PTPRM: variants seen among roughly 807,000 people sequenced by gnomAD.
The protein encoded by PTPRM is receptor-type tyrosine-protein phosphatase mu.
A neutral mutation model predicts 186.7 loss-of-function variants in PTPRM; 47 were observed. That is an observed-to-expected ratio of 0.25 (90% CI 0.20 to 0.32). PTPRM has a LOEUF of 0.32. PTPRM is among the 10% of genes least tolerant of loss of function. The pLI is 1.00. For missense variants in PTPRM, 1,494 were observed against 1,865.0 expected (o/e 0.80, Z 3.66); for synonymous variants, 668 against 674.9 (o/e 0.99, Z 0.16).
intron 5 of PTPRM, among the ~76,000 whole-genome samples, chr18:7,940,694 C>A (rs181629723): frequency 1.1e-3 from 161 of 151,772 alleles, no homozygotes; most frequent in African/African-American, 3.5e-3. Flanking sequence ...TCTCGGTGGT[C>A]GTTCTTAGTA....
At chr18:7,704,119 T>C (rs1477451504) in intron 1 of PTPRM, among the ~76,000 whole-genome samples, 1 of 152,220 alleles carries the variant, frequency 6.6e-6, no homozygotes, top group African/African-American at 2.4e-5. Flanking sequence ...ATCAGGCATA[T>C]TGGCCTGATA....
At chr18:7,576,572 C>T (rs1244777793) in intron 1 of PTPRM, among the ~76,000 whole-genome samples, 1 of 152,098 alleles carries the variant, frequency 6.6e-6, no homozygotes, top group Non-Finnish European at 1.5e-5. Flanking sequence ...ACTTCCTGGG[C>T]TCAAGCAGTC....
intron 1 of PTPRM, among the ~76,000 whole-genome samples, chr18:7,727,802 G>A (rs2040579402): frequency 6.6e-6 from 1 of 152,206 alleles, no homozygotes; most frequent in Non-Finnish European, 1.5e-5. Flanking sequence ...TAATCCCAAA[G>A]AATTATGTTA....
chr18:7,662,128 G>T (rs749827278), intron 1 of PTPRM, among the ~76,000 whole-genome samples: 1 of 152,020 alleles, frequency 6.6e-6, no homozygotes, highest in East Asian at 1.9e-4. Flanking sequence ...TAGAGATGAG[G>T]TTTCTTCATG....
intron 5 of PTPRM, 113 bp from the exon 6 acceptor site, chr18:7,949,068 T>G: frequency 9.6e-7 from 1 of 1,040,402 alleles, no homozygotes; most frequent in South Asian, 2.1e-5. Context: ...AATAAGCAAC[T>G]GCACCAAGGT....
chr18:7,925,846 A>G (rs1416693387), intron 4 of PTPRM, among the ~76,000 whole-genome samples: 2 of 152,212 alleles, frequency 1.3e-5, no homozygotes, highest in African/African-American at 4.8e-5. Flanking sequence ...TGATGCAGAA[A>G]TTGGCCTGTG....
chr18:7,983,007 T>C (rs183037295), intron 7 of PTPRM, among the ~76,000 whole-genome samples: 1 of 152,272 alleles, frequency 6.6e-6, no homozygotes, highest in East Asian at 1.9e-4. Flanking sequence ...TGGCATTCTC[T>C]TCCCTATTTC....
intron 1 of PTPRM, among the ~76,000 whole-genome samples, chr18:7,762,279 C>T (rs548493011): frequency 9.0e-4 from 137 of 151,902 alleles, no homozygotes; most frequent in South Asian, 8.4e-3. Context: ...AGGTGTTGTC[C>T]GAGCTGGGAT....
intron 7 of PTPRM, among the ~76,000 whole-genome samples, chr18:8,063,403 C>T (rs534045550): frequency 8.5e-5 from 13 of 152,176 alleles, no homozygotes; most frequent in South Asian, 4.2e-4. Context: ...AGAAATCACC[C>T]GTCTTCTGCG....
At chr18:8,293,022 A>G (rs937041095) in intron 19 of PTPRM, among the ~76,000 whole-genome samples, 1 of 152,156 alleles carries the variant, frequency 6.6e-6, no homozygotes, top group African/African-American at 2.4e-5. Context: ...TCTTCATCTC[A>G]TGTCCCTCAG....
At chr18:8,214,720 A>G (rs575307523) in intron 14 of PTPRM, among the ~76,000 whole-genome samples, 73 of 152,142 alleles carry the variant, frequency 4.8e-4, no homozygotes, top group Middle Eastern at 3.4e-3. Flanking sequence ...CTGGAGTGCA[A>G]TGGCGCAATC....
At chr18:8,393,981 T>G (rs2095832390) in intron 31 of PTPRM, among the ~76,000 whole-genome samples, 1 of 152,068 alleles carries the variant, frequency 6.6e-6, no homozygotes, top group Non-Finnish European at 1.5e-5. Context: ...TTAGTAGCGA[T>G]GGGGTTTCAC....
At chr18:7,752,009 A>G (rs1219125340) in intron 1 of PTPRM, among the ~76,000 whole-genome samples, 1 of 152,226 alleles carries the variant, frequency 6.6e-6, no homozygotes, top group Non-Finnish European at 1.5e-5. Context: ...TGCCACCCCA[A>G]CCAAATTAGG....
In PTPRM at chr18:8,379,299, G is replaced by A. The variant is rs755832770; in HGVS notation, c.3745G>A (p.Asp1249Asn). 4.5e-5 allele frequency: 72 copies of A among 1,613,700 alleles called. No individual in the cohort carries two copies. The highest frequency in any genetic ancestry group is 8.3e-5 in the Admixed American group (5 of 59,984). Residue 1249 changes from aspartate to asparagine, a missense_variant, in exon 28 of 33, where the codon GAT (aspartate) becomes AAT (asparagine). Physicochemically the swap from Asp to Asn is conservative, Grantham distance 23. Around this residue, in one of 3 missense-constraint regions of PTPRM, gnomAD observed 1,107 missense variants for 1,350.2 expected, o/e 0.82. Transcript: ENST00000580170. Reference sequence around the variant, plus strand: ...CTGCCTGCCCTTCCTCATCACCATCGATGGGGAGAGCAGCAACTACATCAA... The same window carrying A: ...CTGCCTGCCCTTCCTCATCACCATCAATGGGGAGAGCAGCAACTACATCAA... Reference protein sequence around the residue: ...DRCLPFLITIDGESSNYINAA... With the variant: ...DRCLPFLITINGESSNYINAA...
At chr18:7,799,950 CT>C (rs1283580516) in intron 2 of PTPRM, among the ~76,000 whole-genome samples, 1 of 152,028 alleles carries the variant, frequency 6.6e-6, no homozygotes. Context: ...CTGTCCTTAC[CT>C]TTAACTGGGG....
intron 1 of PTPRM, among the ~76,000 whole-genome samples, chr18:7,653,686 A>G (rs113398838): frequency 0.03 from 4,509 of 152,240 alleles, 236 homozygotes; most frequent in African/African-American, 0.1. Flanking sequence ...TATGGTGTGT[A>G]TGTACTACAT....
intron 21 of PTPRM, among the ~76,000 whole-genome samples, chr18:8,317,850 C>T (rs1234851373): frequency 1.3e-5 from 2 of 152,148 alleles, no homozygotes; most frequent in Admixed American, 6.5e-5. Flanking sequence ...TACTGGGCAC[C>T]TTGTTAGGCC....
At chr18:7,617,108 T>TA in intron 1 of PTPRM, among the ~76,000 whole-genome samples, 1 of 152,322 alleles carries the variant, frequency 6.6e-6, no homozygotes, top group East Asian at 1.9e-4. Context: ...CAGTAGAGAA[T>TA]AATTCAGGAC....
At chr18:7,965,354 C>T (rs900843229) in intron 7 of PTPRM, among the ~76,000 whole-genome samples, 15 of 152,178 alleles carry the variant, frequency 9.9e-5, no homozygotes, top group Non-Finnish European at 1.9e-4. Flanking sequence ...CCCACTCTAA[C>T]ACTTGTAAGT....
Sources: gnomAD v4.1 joint callset for allele counts (sites outside exome capture counted in the v4.1 genomes callset) on GRCh38, gnomAD v4.1.1 for gene constraint, gnomAD v4.1.1 regional missense constraint, MANE v1.5 for transcripts, NCBI Gene and HGNC (gene_info 2026-07-23, HGNC 2026-07-21) for gene names.